The following NRXN1 variants were observed in gnomAD, a reference collection of about 807,000 sequenced individuals.
NRXN1 encodes the protein neurexin-1.
In NRXN1, 39 loss-of-function variants were observed where a neutral mutation model predicts 150.9. The observed-to-expected ratio is 0.26, with a 90% confidence interval of 0.20 to 0.34. The LOEUF is 0.34. Ranked by LOEUF, NRXN1 falls within the 10% of genes least tolerant of loss-of-function variation. The pLI is 1.00. For missense variants in NRXN1, 1,815 were observed against 1,949.9 expected (o/e 0.93, Z 1.30); for synonymous variants, 924 against 757.0 (o/e 1.22, Z -3.62).
intron 8 of NRXN1, among the ~76,000 whole-genome samples, chr2:50,588,477 G>T (rs772647640): frequency 3.3e-5 from 5 of 152,066 alleles, no homozygotes; most frequent in Admixed American, 6.5e-5. Flanking sequence ...TAACTAACAG[G>T]AACTCTAGAG....
At chr2:50,500,301 A>C (rs909098308) in intron 13 of NRXN1, among the ~76,000 whole-genome samples, 3 of 152,138 alleles carry the variant, frequency 2.0e-5, no homozygotes, top group Admixed American at 2.0e-4. Context: ...TAAATAATAA[A>C]AAGGTAGTAC....
At chr2:50,665,247 A>G (rs1012407106) in intron 5 of NRXN1, among the ~76,000 whole-genome samples, 1 of 151,962 alleles carries the variant, frequency 6.6e-6, no homozygotes, top group Non-Finnish European at 1.5e-5. Context: ...ACTCTAAAAC[A>G]CTATCTACTA....
chr2:50,645,511 G>T (rs573047841), intron 5 of NRXN1, among the ~76,000 whole-genome samples: 1 of 151,798 alleles, frequency 6.6e-6, no homozygotes, highest in Non-Finnish European at 1.5e-5. Flanking sequence ...CCATGAAAAC[G>T]TGAGCTCCAT....
Position 50,347,265 on chromosome 2 carries a change from G to A in NRXN1, c.3365-110295C>T, listed in dbSNP as rs954877069. ...CAGATTTCCAGGGCTCCAGGTTCTC[G>A]AGAGATACTCCCAAAGAGTTTCGGG... is the stretch of plus-strand genomic sequence containing the variant. On this transcript the variant is annotated intron_variant, in intron 17 of 22. Coordinates refer to ENST00000401669, the MANE Select transcript of NRXN1 (RefSeq NM_001330078.2). The surrounding 1 kb of genome is among the most constrained non-coding windows in gnomAD (Gnocchi z 4.9). The A allele has an allele frequency of 3.0e-6, 4 of 1,313,896 alleles. No individual in the cohort carries two copies. Among genetic ancestry groups the A allele is most frequent in the African/African-American group, 1.5e-5 (1 of 66,608 alleles). The allele number at this position is 1,313,896 out of a possible 1,614,324, so 81.4% of individuals were successfully genotyped here.
intron 5 of NRXN1, among the ~76,000 whole-genome samples, chr2:50,642,385 T>C (rs1684200137): frequency 6.6e-6 from 1 of 151,992 alleles, no homozygotes; most frequent in Non-Finnish European, 1.5e-5. Context: ...GAGGACACAT[T>C]TAAAATTTAG....
intron 18 of NRXN1, among the ~76,000 whole-genome samples, chr2:50,208,480 T>C (rs1349088262): frequency 1.3e-5 from 2 of 152,122 alleles, no homozygotes; most frequent in African/African-American, 4.8e-5. Flanking sequence ...AGGGTATCCC[T>C]TTCCAGTTTT....
chr2:50,760,714 T>G (rs771797560), intron 5 of NRXN1, among the ~76,000 whole-genome samples: 144 of 151,970 alleles, frequency 9.5e-4, no homozygotes, highest in South Asian at 2.3e-3. Context: ...AAACCTGTTA[T>G]GCATTATAGG....
chr2:50,178,218 G>C (rs998553606), intron 18 of NRXN1, among the ~76,000 whole-genome samples: 1 of 152,002 alleles, frequency 6.6e-6, no homozygotes, highest in Admixed American at 6.6e-5. Context: ...TGGCCAGCTA[G>C]CCCGAATATT....
At chr2:50,490,883 C>T (rs2091215087) in intron 15 of NRXN1, among the ~76,000 whole-genome samples, 1 of 152,078 alleles carries the variant, frequency 6.6e-6, no homozygotes, top group Non-Finnish European at 1.5e-5. Flanking sequence ...TGTCTTACTT[C>T]CTACTGGATC....
intron 21 of NRXN1, among the ~76,000 whole-genome samples, chr2:49,999,352 T>C (rs1558664265): frequency 6.6e-6 from 1 of 152,180 alleles, no homozygotes; most frequent in South Asian, 2.1e-4. Context: ...ATTTCCCTTC[T>C]CTATACTAAT....
Position 50,907,274 on chromosome 2 carries a change from A to C in NRXN1, c.832+14595T>G, listed in dbSNP as rs146132990. Among the ~76,000 whole-genome samples the C allele has an allele frequency of 7.6e-3, 1,149 of 151,950 alleles. 14 individuals are homozygous for C. The highest frequency in any genetic ancestry group is 0.026 in the African/African-American group (1,090 of 41,462). ...AGATTATACTCTTTTGTCCAATCAC[A>C]TTTCTACATGGCGGTTCATTCTTCA... On this transcript the variant is annotated intron_variant, in intron 5 of 22. Transcript: ENST00000401669.
intron 18 of NRXN1, among the ~76,000 whole-genome samples, chr2:50,121,221 C>T (rs755301407): frequency 6.6e-6 from 1 of 152,052 alleles, no homozygotes; most frequent in Non-Finnish European, 1.5e-5. Context: ...CCGGGTTTCG[C>T]CATGTTGGCC....
intron 21 of NRXN1, among the ~76,000 whole-genome samples, chr2:49,966,304 C>G (rs1676955195): frequency 6.6e-6 from 1 of 152,060 alleles, no homozygotes; most frequent in Non-Finnish European, 1.5e-5. Context: ...AAATGAGCAT[C>G]TGTATTCTTC....
At chr2:50,869,183 C>T (rs1374761380) in intron 5 of NRXN1, among the ~76,000 whole-genome samples, 1 of 151,610 alleles carries the variant, frequency 6.6e-6, no homozygotes, top group African/African-American at 2.4e-5. Flanking sequence ...AATAATGAAG[C>T]AATTAATAAC....
At chr2:49,967,570 A>T (rs1171008681) in intron 21 of NRXN1, among the ~76,000 whole-genome samples, 1 of 152,076 alleles carries the variant, frequency 6.6e-6, no homozygotes, top group African/African-American at 2.4e-5. Flanking sequence ...TAGAGTTTCA[A>T]ATAAAACAAG....
intron 2 of NRXN1, among the ~76,000 whole-genome samples, chr2:50,996,808 G>T (rs1162550028): frequency 1.3e-5 from 2 of 151,966 alleles, no homozygotes; most frequent in Non-Finnish European, 2.9e-5. Context: ...TGTAGAAGAT[G>T]GAAAGTTAAA....
At chr2:50,105,855 T>C (rs1435780892) in intron 18 of NRXN1, among the ~76,000 whole-genome samples, 3 of 152,016 alleles carry the variant, frequency 2.0e-5, no homozygotes, top group East Asian at 3.9e-4. Flanking sequence ...ATTACATACA[T>C]AGTTTATATG....
At position 50,495,909 on chromosome 2, in the gene NRXN1, G is replaced by A. The variant is rs769267342; in HGVS notation, c.3066C>T (p.Leu1022=). ...TCTGACTTAACATGCACTTACTCTTGAGGTCTAAGTTCCTGGCTCCGGCGG... is the reference window on the plus strand; with the variant it reads ...TCTGACTTAACATGCACTTACTCTTAAGGTCTAAGTTCCTGGCTCCGGCGG... ...QITAGARNLD[L]KSDLYIGGVA... Residue 1022 remains leucine (L), a synonymous_variant, in exon 15 of 23, where the codon CTC becomes CTT. Coordinates refer to ENST00000401669, the MANE Select transcript of NRXN1 (RefSeq NM_001330078.2). The A allele has an allele frequency of 2.5e-6, 4 of 1,595,924 alleles. No individual in the cohort carries two copies. Among genetic ancestry groups the A allele is most frequent in the Non-Finnish European group, 3.4e-6 (4 of 1,170,364 alleles).
At chr2:50,921,429 C>T (rs944262288) in intron 5 of NRXN1, among the ~76,000 whole-genome samples, 7 of 151,762 alleles carry the variant, frequency 4.6e-5, no homozygotes, top group African/African-American at 1.5e-4. Context: ...TAGCAGACAA[C>T]AAGATGATGC....
Sources: allele counts gnomAD v4.1 joint callset (sites outside exome capture counted in the v4.1 genomes callset), GRCh38; gene constraint gnomAD v4.1.1; non-coding constraint Gnocchi (gnomAD v3.1); transcripts MANE v1.5; gene names NCBI Gene and HGNC (gene_info 2026-07-23, HGNC 2026-07-21).